Variants in TTC17 observed in about 807,000 individuals in gnomAD.
TTC17 encodes tetratricopeptide repeat protein 17.
In TTC17, 58 loss-of-function variants were observed where a neutral mutation model predicts 143.8. The ratio of observed to expected loss-of-function variants is 0.40; its 90% confidence interval spans 0.33 to 0.50. The LOEUF is 0.50. Ranked by LOEUF, TTC17 falls within the 20% of genes least tolerant of loss-of-function variation. The pLI is 0.49. For missense variants in TTC17, 1,273 were observed against 1,392.5 expected (o/e 0.91, Z 1.37); for synonymous variants, 501 against 497.8 (o/e 1.01, Z -0.09).
intron 22 of TTC17, chr11:43,490,569 C>G (rs977599658): frequency 1.8e-6 from 1 of 563,728 alleles, no homozygotes; most frequent in Admixed American, 3.8e-5. Flanking sequence ...CAGGTTGGAA[C>G]GTGGGGAAGG....
Position 43,388,782 on chromosome 11 carries a change from T to A in TTC17, c.250-870T>A, listed in dbSNP as rs11821670. Reference sequence around the variant, plus strand: ...TGCACTCAGGAGTTTGAGACCAGCCTGGGCAACATGGTAAAACCCCATCTG... The same window carrying A: ...TGCACTCAGGAGTTTGAGACCAGCCAGGGCAACATGGTAAAACCCCATCTG... On this transcript the variant is annotated intron_variant, in intron 2 of 23. Transcript: ENST00000039989. Among the ~76,000 whole-genome samples, 920 of 150,880 alleles carry A rather than the reference T, an allele frequency of 6.1e-3. 6 individuals are homozygous for A. Among genetic ancestry groups the A allele is most frequent in the African/African-American group, 0.021 (843 of 41,054 alleles).
At chr11:43,388,799 C>A (rs1857266719) in intron 2 of TTC17, among the ~76,000 whole-genome samples, 1 of 151,190 alleles carries the variant, frequency 6.6e-6, no homozygotes, top group Non-Finnish European at 1.5e-5. Context: ...CATGGTAAAA[C>A]CCCATCTGTA....
chr11:43,464,258 C>T (rs1362222391), intron 21 of TTC17, among the ~76,000 whole-genome samples: 2 of 148,728 alleles, frequency 1.3e-5, no homozygotes, highest in African/African-American at 5.0e-5. Context: ...CCAGCTTGGG[C>T]GATAGAGTGA....
At chr11:43,424,414 C>T (rs1032610143) in intron 16 of TTC17, among the ~76,000 whole-genome samples, 26 of 151,780 alleles carry the variant, frequency 1.7e-4, no homozygotes, top group African/African-American at 5.1e-4. Flanking sequence ...CTTTAAAAAA[C>T]ATGTAATAAT....
chr11:43,433,393 T>G (rs966847097), intron 16 of TTC17, among the ~76,000 whole-genome samples: 1 of 152,204 alleles, frequency 6.6e-6, no homozygotes, highest in Non-Finnish European at 1.5e-5. Context: ...TTTTGATGCC[T>G]ACTTCCAAGA....
intron 21 of TTC17, among the ~76,000 whole-genome samples, chr11:43,467,364 C>G (rs1211285428): frequency 2.0e-5 from 3 of 152,126 alleles, no homozygotes; most frequent in African/African-American, 7.2e-5. Context: ...CCAACACATG[C>G]TACAACATGG....
At chr11:43,461,025 G>A (rs1442581002) in intron 21 of TTC17, among the ~76,000 whole-genome samples, 1 of 152,212 alleles carries the variant, frequency 6.6e-6, no homozygotes, top group Non-Finnish European at 1.5e-5. Context: ...GTGTCCCATC[G>A]TTAATTCACC....
Position 43,446,194 on chromosome 11 carries a change from T to A in TTC17, c.2666-1808T>A, listed in dbSNP as rs75168325. The A allele has an allele frequency of 4.5e-4, 584 of 1,293,908 alleles. 2 individuals carry two copies. The African/African-American group carries it at 7.9e-3, about 18-fold the overall frequency. 80.2% of individuals were successfully genotyped at this position (1,293,908 alleles called of 1,614,324 possible). A position where few individuals can be genotyped will look rare whatever the true frequency, so the allele number is the denominator to read the frequency against. ...TTTACCTCAGTGCCTTTGCACATGC[T>A]ATTCCCTCTGCCTGGAATGCCCTGT... On this transcript the variant is annotated intron_variant, in intron 18 of 23. Coordinates refer to ENST00000039989, the MANE Select transcript of TTC17 (RefSeq NM_018259.6).
At chr11:43,389,151 A>AG (rs1446786305) in intron 2 of TTC17, among the ~76,000 whole-genome samples, 1 of 151,552 alleles carries the variant, frequency 6.6e-6, no homozygotes, top group Non-Finnish European at 1.5e-5. Flanking sequence ...AAAAAAAAAA[A>AG]GGGTGGAGGG....
chr11:43,391,557 A>G lies in TTC17; in HGVS notation c.512A>G (p.His171Arg), dbSNP rs771809391. Reference sequence around the variant, plus strand: ...ATTCTAGAACTTCCATATAGTATACATGCTTTTCAGCACTTGAGAGTAAGT... The same window carrying G: ...ATTCTAGAACTTCCATATAGTATACGTGCTTTTCAGCACTTGAGAGTAAGT... ...TKILELPYSI[H>R]AFQHLRGVQE... is the part of the protein sequence containing the mutation. The change falls in exon 4 of 24, where the codon CAT becomes CGT. Residue 171 changes from histidine to arginine, a missense_variant. By Grantham distance (29) the His-to-Arg change is conservative. Coordinates refer to ENST00000039989, the MANE Select transcript of TTC17 (RefSeq NM_018259.6). 3.2e-6 allele frequency: 5 copies of G among 1,581,282 alleles called. No homozygotes were observed. Among genetic ancestry groups the G allele is most frequent in the South Asian group, 1.2e-5 (1 of 84,354 alleles).
intron 2 of TTC17, among the ~76,000 whole-genome samples, chr11:43,380,470 G>T (rs1856923302): frequency 1.3e-5 from 2 of 152,066 alleles, no homozygotes; most frequent in African/African-American, 4.8e-5. Flanking sequence ...GGCCAGGCTG[G>T]TCTCAAACTC....
intron 16 of TTC17, chr11:43,436,289 T>G: frequency 7.4e-7 from 1 of 1,344,088 alleles, no homozygotes; most frequent in African/African-American, 1.5e-5. Flanking sequence ...CCCTGTATTC[T>G]CTGTTGAGAA....
At chr11:43,484,153 GAAAT>G (rs1948337740) in intron 21 of TTC17, among the ~76,000 whole-genome samples, 1 of 152,052 alleles carries the variant, frequency 6.6e-6, no homozygotes, top group South Asian at 2.1e-4. Context: ...AAAAAAGAAA[GAAAT>G]AAATTAATGG....
intron 1 of TTC17, among the ~76,000 whole-genome samples, chr11:43,373,570 G>A (rs187648903): frequency 2.4e-4 from 37 of 152,132 alleles, no homozygotes; most frequent in East Asian, 1.4e-3. Context: ...TGATCCACCC[G>A]CCTCAGCTTC....
At chr11:43,413,143 A>G (rs376293731) in intron 15 of TTC17, among the ~76,000 whole-genome samples, 5 of 152,322 alleles carry the variant, frequency 3.3e-5, no homozygotes, top group East Asian at 3.9e-4. Flanking sequence ...AAACATAGCA[A>G]TGGAACATAA....
chr11:43,409,915 C>G (rs1230333452), intron 15 of TTC17, among the ~76,000 whole-genome samples: 19 of 151,476 alleles, frequency 1.3e-4, no homozygotes. Flanking sequence ...GATCTCAGCT[C>G]ACTGCAAGCT....
chr11:43,390,692 T>C (rs1340564734), intron 3 of TTC17, among the ~76,000 whole-genome samples: 2 of 149,600 alleles, frequency 1.3e-5, no homozygotes, highest in Non-Finnish European at 3.0e-5. Context: ...AAAATAAAAT[T>C]GAACAATTTG....
chr11:43,409,479 C>A (rs1858302987), intron 15 of TTC17, among the ~76,000 whole-genome samples: 1 of 152,156 alleles, frequency 6.6e-6, no homozygotes, highest in Non-Finnish European at 1.5e-5. Flanking sequence ...TAGAATTGAA[C>A]AACTGAAATA....
chr11:43,415,708 TATACCAGAC>T, intron 16 of TTC17, among the ~76,000 whole-genome samples: 1 of 152,188 alleles, frequency 6.6e-6, no homozygotes, highest in African/African-American at 2.4e-5. Flanking sequence ...GTTGATTCGC[TATACCAGAC>T]TGCCTTACAA....
Sources: allele counts gnomAD v4.1 joint callset (sites outside exome capture counted in the v4.1 genomes callset), GRCh38; gene constraint gnomAD v4.1.1; transcripts MANE v1.5; gene names NCBI Gene and HGNC (gene_info 2026-07-23, HGNC 2026-07-21).